SLC6A11: variants seen among roughly 807,000 people sequenced by gnomAD.
The protein encoded by SLC6A11 is solute carrier family 6 member 11.
Under a neutral mutation model 74.8 loss-of-function variants are expected in SLC6A11, and 25 were observed. The observed-to-expected ratio is 0.33, with a 90% CI of 0.24 to 0.47. The LOEUF is 0.47. SLC6A11 is among the 20% of genes least tolerant of loss of function. The pLI is 1.00. For synonymous variants in SLC6A11, 330 were observed against 330.2 expected, an observed-to-expected ratio of 1.00 and a Z score of 0.01; for missense variants, 574 against 837.0, an observed-to-expected ratio of 0.69 and a Z score of 3.88.
At chr3:10,899,096 A>G (rs905261313) in intron 6 of SLC6A11, among the ~76,000 whole-genome samples, 1 of 152,192 alleles carries the variant, frequency 6.6e-6, no homozygotes. Context: ...CCATGATTCA[A>G]TTATCTCCCA....
In SLC6A11 at chr3:10,918,702, T is replaced by C. The variant is rs1695492972; in HGVS notation, c.1120+249T>C. Among the ~76,000 whole-genome samples, 1 of 152,072 alleles carries C rather than the reference T, an allele frequency of 6.6e-6. No individual in the cohort carries two copies. The highest frequency in any genetic ancestry group is 1.9e-4 in the East Asian group (1 of 5,180). ...TGCTGTTGCCCACTTCATTCATTTC[T>C]CCCAAGCTTCACCGTCTCCCCACTA... On this transcript the variant is annotated intron_variant, in intron 8 of 13. Transcript: ENST00000254488. The surrounding 1 kb of genome is among the most constrained non-coding windows in gnomAD (Gnocchi z 4.5).
chr3:10,912,729 C>T (rs1375542700), intron 7 of SLC6A11, among the ~76,000 whole-genome samples: 1 of 152,204 alleles, frequency 6.6e-6, no homozygotes, highest in Non-Finnish European at 1.5e-5. Flanking sequence ...TGACCCTTGG[C>T]TGCCTGGCCT....
chr3:10,865,553 C>T (rs147247302), intron 5 of SLC6A11, among the ~76,000 whole-genome samples: 9,874 of 152,218 alleles, frequency 0.065, 527 homozygotes, highest in Admixed American at 0.21. Flanking sequence ...GTCCCAGCTA[C>T]TTGGGAGGCT....
In SLC6A11 at chr3:10,918,159, C is replaced by A. The variant is rs933574635; in HGVS notation, c.996-170C>A. 1.5e-4 allele frequency among the ~76,000 whole-genome samples: 23 copies of A among 152,228 alleles called. No homozygotes were observed. The highest frequency in any genetic ancestry group is 1.4e-3 in the Admixed American group (22 of 15,288). Reference sequence around the variant, plus strand: ...GAGAAGCTGTGTGACCATGGGCCAGCCACCTAACCTCTCTGAACCATGAGT... The same window carrying A: ...GAGAAGCTGTGTGACCATGGGCCAGACACCTAACCTCTCTGAACCATGAGT... On this transcript the variant is annotated intron_variant, in intron 7 of 13. Transcript: ENST00000254488. This position sits in a 1 kb window ranked among gnomAD's most constrained non-coding sequence, Gnocchi z 4.5.
intron 8 of SLC6A11, among the ~76,000 whole-genome samples, chr3:10,920,872 T>G (rs1303860798): frequency 6.6e-6 from 1 of 152,210 alleles, no homozygotes; most frequent in African/African-American, 2.4e-5. Flanking sequence ...GTGCCTCTGG[T>G]TGGGGGTGTG....
intron 5 of SLC6A11, among the ~76,000 whole-genome samples, chr3:10,859,053 G>A (rs1694671743): frequency 6.6e-6 from 1 of 152,206 alleles, no homozygotes; most frequent in African/African-American, 2.4e-5. Flanking sequence ...TGAGAGCAAT[G>A]GAGAGGCACC....
rs529061962 is a variant in SLC6A11, at chr3:10,911,974, C to T, written c.892-116C>T. 15 of 733,842 alleles carry T rather than the reference C, an allele frequency of 2.0e-5. No homozygotes were observed. In the South Asian group the frequency reaches 2.2e-4, roughly 11 times the overall value. 45.5% of individuals were successfully genotyped at this position (733,842 alleles called of 1,614,324 possible). ...GGGTAGGTTAGGAAGTTTAATTATC[C>T]CTTATGGAGTTTTTCTGAAGGGTAG... On this transcript the variant is annotated intron_variant, in intron 6 of 13. Coordinates refer to ENST00000254488, the MANE Select transcript of SLC6A11 (RefSeq NM_014229.3).
In SLC6A11 at chr3:10,816,283, G is replaced by C. The variant is rs1353741051; in HGVS notation, c.18G>C (p.Ala6=). 4 of 1,367,540 alleles carry C rather than the reference G, an allele frequency of 2.9e-6. No individual in the cohort carries two copies. In the African/African-American group the frequency reaches 4.6e-5, roughly 16 times the overall value. 84.7% of individuals were successfully genotyped at this position (1,367,540 alleles called of 1,614,324 possible). ...GCGCGGCCATGACGGCGGAGAAGGC[G>C]CTGCCCCTGGGCAATGGGAAGGCTG... The part of the protein sequence containing the change: MTAEK[A]LPLGNGKAAE... The change falls in exon 1 of 14, where the codon GCG becomes GCC. Residue 6 remains alanine (A), a synonymous_variant. Transcript: ENST00000254488. This position sits in a 1 kb window ranked among gnomAD's most constrained non-coding sequence, Gnocchi z 4.2.
At chr3:10,831,631 G>T (rs1471270243) in intron 4 of SLC6A11, among the ~76,000 whole-genome samples, 1 of 152,144 alleles carries the variant, frequency 6.6e-6, no homozygotes, top group South Asian at 2.1e-4. Context: ...AGAGAGAGAG[G>T]CTTACTTTTT....
In SLC6A11 at chr3:10,927,346, G is replaced by C. The variant is rs187646917; in HGVS notation, c.1233+1230G>C. ...TGAGCTAAACCAGCAGTTGGGCCTG[G>C]GGGCCCGAGGTCTGGCACAAAAAGT... On this transcript the variant is annotated intron_variant, in intron 9 of 13. Coordinates refer to ENST00000254488, the MANE Select transcript of SLC6A11 (RefSeq NM_014229.3). Among the ~76,000 whole-genome samples the C allele has an allele frequency of 5.7e-4, 87 of 152,336 alleles. No homozygotes were observed. The East Asian group carries it at 0.016, about 28-fold the overall frequency.
intron 6 of SLC6A11, among the ~76,000 whole-genome samples, chr3:10,886,626 A>G (rs1424346338): frequency 1.3e-5 from 2 of 152,218 alleles, no homozygotes; most frequent in African/African-American, 2.4e-5. Flanking sequence ...GACCAATATG[A>G]TGAAGCCCCA....
rs569543951 is a variant in SLC6A11 at position 10,919,420 on chromosome 3, C to T, written c.1120+967C>T. Among the ~76,000 whole-genome samples, 25 of 152,278 alleles carry T rather than the reference C, an allele frequency of 1.6e-4. No individual in the cohort carries two copies. The East Asian group carries it at 2.1e-3, about 13-fold the overall frequency. ...CAGGGCATCTGGCCTCCCTGGCCTC[C>T]GTCTACTCAAGGCCAGTCCTGCCCC... On this transcript the variant is annotated intron_variant, in intron 8 of 13. Coordinates refer to ENST00000254488, the MANE Select transcript of SLC6A11 (RefSeq NM_014229.3).
intron 10 of SLC6A11, among the ~76,000 whole-genome samples, chr3:10,930,764 T>C (rs1695675153): frequency 6.6e-6 from 1 of 152,008 alleles, no homozygotes; most frequent in Non-Finnish European, 1.5e-5. Flanking sequence ...CTGCCCCAGG[T>C]GCCCCCAGCT....
Position 10,935,160 on chromosome 3 carries a change from C to T in SLC6A11, c.1707C>T (p.Ile569=), listed in dbSNP as rs368238918. 63 of 1,614,122 alleles carry T rather than the reference C, an allele frequency of 3.9e-5. No homozygotes were observed. The highest frequency in any genetic ancestry group is 5.3e-5 in the Non-Finnish European group (62 of 1,180,046). Residue 569 remains isoleucine, a synonymous_variant, in exon 13 of 14, where the codon ATC becomes ATT. Transcript: ENST00000254488. ...CCATGCTCTGCATCCCGCTCTGGATCTGCATCACAGTGTGGAAGACGGAGG... is the reference window on the plus strand; with the variant it reads ...CCATGCTCTGCATCCCGCTCTGGATTTGCATCACAGTGTGGAAGACGGAGG... ...LSSMLCIPLW[I]CITVWKTEGT...
intron 6 of SLC6A11, among the ~76,000 whole-genome samples, chr3:10,899,618 C>G (rs1695213608): frequency 6.6e-6 from 1 of 152,246 alleles, no homozygotes; most frequent in Admixed American, 6.5e-5. Context: ...TTTCTCCTTT[C>G]CTGCCCTCTA....
At chr3:10,889,942 A>G (rs1191371356) in intron 6 of SLC6A11, among the ~76,000 whole-genome samples, 2 of 152,180 alleles carry the variant, frequency 1.3e-5, no homozygotes, top group African/African-American at 4.8e-5. Context: ...CTGCAAAGGG[A>G]ATGGAATGGA....
At chr3:10,820,099 C>G (rs891539954) in intron 3 of SLC6A11, among the ~76,000 whole-genome samples, 1 of 152,166 alleles carries the variant, frequency 6.6e-6, no homozygotes, top group Non-Finnish European at 1.5e-5. Flanking sequence ...ATGTTCTGTC[C>G]TCTGTTTGTC....
At chr3:10,892,837 A>G (rs1012822607) in intron 6 of SLC6A11, among the ~76,000 whole-genome samples, 3 of 152,236 alleles carry the variant, frequency 2.0e-5, no homozygotes, top group Admixed American at 2.0e-4. Context: ...CCAAGGTTAT[A>G]GATGACAGTG....
chr3:10,842,180 G>A (rs116292792), intron 4 of SLC6A11, among the ~76,000 whole-genome samples: 2,920 of 152,244 alleles, frequency 0.019, 61 homozygotes, highest in African/African-American at 0.056. Flanking sequence ...ACTTCTCAAG[G>A]GATCCATGAC....
Sources: gnomAD v4.1 joint callset for allele counts (sites outside exome capture counted in the v4.1 genomes callset) on GRCh38, gnomAD v4.1.1 for gene constraint, Gnocchi (gnomAD v3.1) non-coding constraint, MANE v1.5 for transcripts, NCBI Gene and HGNC (gene_info 2026-07-23, HGNC 2026-07-21) for gene names.